The following SIPA1L3 variants were observed in gnomAD, a reference collection of about 807,000 sequenced individuals.
The protein encoded by SIPA1L3 is signal-induced proliferation-associated 1-like protein 3.
In SIPA1L3, 59 loss-of-function variants were observed where a neutral mutation model predicts 150.1. The observed-to-expected ratio is 0.39, with a 90% confidence interval of 0.32 to 0.49. SIPA1L3 has a LOEUF of 0.49. SIPA1L3 is among the 20% of genes least tolerant of loss of function. The pLI is 0.86. For synonymous variants in SIPA1L3, 1,070 were observed against 1,077.6 expected (o/e 0.99, Z 0.14); for missense variants, 2,211 against 2,489.5 (o/e 0.89, Z 2.38).
rs74258623 is a variant in SIPA1L3 at position 38,019,515 on chromosome 19, G to A, written c.-378-9574G>A. On this transcript the variant is annotated intron_variant, in intron 1 of 21. Transcript: ENST00000222345. ...TTGCATTGGCCAGGCTGGCTGCAAG[G>A]GAGGTTGGGAAATGTAGTCTTAGCT... Among the ~76,000 whole-genome samples, 6 of 152,286 alleles carry A rather than the reference G, an allele frequency of 3.9e-5. No homozygotes were observed. In the East Asian group the frequency reaches 9.6e-4, roughly 24 times the overall value.
chr19:38,150,555 T>C (rs962406844), intron 12 of SIPA1L3, among the ~76,000 whole-genome samples: 3 of 137,636 alleles, frequency 2.2e-5, no homozygotes, highest in Admixed American at 1.5e-4. Flanking sequence ...TTTTTTGAAA[T>C]GGAGTCTTGT....
intron 19 of SIPA1L3, among the ~76,000 whole-genome samples, chr19:38,201,440 C>T (rs1568609126): frequency 1.3e-5 from 2 of 152,218 alleles, no homozygotes; most frequent in South Asian, 2.1e-4. Context: ...CGAAGGAGAG[C>T]GAATTGTATA....
At chr19:38,152,327 C>T (rs568080226) in intron 12 of SIPA1L3, among the ~76,000 whole-genome samples, 1 of 152,314 alleles carries the variant, frequency 6.6e-6, no homozygotes, top group African/African-American at 2.4e-5. Flanking sequence ...GAAACTGAGG[C>T]TGTGGGCTAG....
intron 1 of SIPA1L3, among the ~76,000 whole-genome samples, chr19:37,931,040 G>C (rs2046549443): frequency 6.6e-6 from 1 of 152,186 alleles, no homozygotes; most frequent in South Asian, 2.1e-4. Flanking sequence ...AAGAAGGATG[G>C]TAAGAGCCTT....
At position 38,082,655 on chromosome 19, in the gene SIPA1L3, C is replaced by T; in HGVS notation, c.1090C>T (p.Gln364Ter). 2 of 1,607,382 alleles carry T rather than the reference C, an allele frequency of 1.2e-6. No homozygotes were observed. The highest frequency in any genetic ancestry group is 1.7e-6 in the Non-Finnish European group (2 of 1,179,650). ...EAAANRVSVS[Q>*]RRNTTTGASA... The stretch of plus-strand genomic sequence containing the variant: ...GGCCGCCAACAGGGTGTCGGTGTCG[C>T]AGCGGCGGAACACCACCACGGGTGC... The change falls in exon 3 of 22, where the codon CAG (glutamine) becomes TAG (stop). Residue 364 changes from glutamine (Q) to a stop codon, truncating the protein, a stop_gained. Coordinates refer to ENST00000222345, the MANE Select transcript of SIPA1L3 (RefSeq NM_015073.3). LOFTEE classifies it high-confidence loss of function.
intron 14 of SIPA1L3, among the ~76,000 whole-genome samples, chr19:38,164,000 G>A (rs772898497): frequency 1.3e-5 from 2 of 152,216 alleles, no homozygotes; most frequent in African/African-American, 2.4e-5. Flanking sequence ...ACAGGACCAC[G>A]CGGAGCCGTG....
At chr19:38,192,045 C>A in intron 16 of SIPA1L3, 100 bp from the exon 17 acceptor site, 1 of 1,064,268 alleles carries the variant, frequency 9.4e-7, no homozygotes, top group Non-Finnish European at 1.4e-6. Flanking sequence ...AAGGCTGTGG[C>A]CATGCGTCCC....
In SIPA1L3 at chr19:38,141,359, G is replaced by A. The variant is rs1286903710; in HGVS notation, c.3319G>A (p.Ala1107Thr). The change falls in exon 11 of 22, where the codon GCC becomes ACC. Residue 1107 changes from alanine (A) to threonine (T), a missense_variant. Transcript: ENST00000222345. ...GGCCACTCCAACCACTCCCGGCCAT[G>A]CCCAGTCCCTGAGCCGGCCCCTGAA... ...KWATPTTPGH[A>T]QSLSRPLKQT... is the part of the protein sequence containing the mutation. 1 of 1,613,848 alleles carries A rather than the reference G, an allele frequency of 6.2e-7. No individual in the cohort carries two copies. The highest frequency in any genetic ancestry group is 1.1e-5 in the South Asian group (1 of 91,078).
At position 37,933,166 on chromosome 19, in the gene SIPA1L3, GTGTGACCTCATC is replaced by G. The variant is rs890949640; in HGVS notation, c.-379+25818_-379+25829del. 7.3e-5 allele frequency among the ~76,000 whole-genome samples: 11 copies of G among 151,418 alleles called. 1 individual carries two copies. Among genetic ancestry groups the G allele is most frequent in the African/African-American group, 2.4e-4 (10 of 41,182 alleles). ...CCAACCCCAGGCCCCCATTTTCCCTGTGTGACCTCATCTGTGACCTCTCAGCTGCTTGCTTGC... is the reference window on the plus strand; with the variant it reads ...CCAACCCCAGGCCCCCATTTTCCCTGTGTGACCTCTCAGCTGCTTGCTTGC... On this transcript the variant is annotated intron_variant, in intron 1 of 21. Transcript: ENST00000222345.
At chr19:37,908,587 G>A (rs1599781449) in intron 1 of SIPA1L3, among the ~76,000 whole-genome samples, 2 of 151,882 alleles carry the variant, frequency 1.3e-5, no homozygotes, top group African/African-American at 4.8e-5. Context: ...CACAGTAAGT[G>A]CTTATTAAAT....
chr19:37,912,490 C>T (rs533630675), intron 1 of SIPA1L3, among the ~76,000 whole-genome samples: 3 of 152,076 alleles, frequency 2.0e-5, no homozygotes, highest in African/African-American at 7.2e-5. Context: ...GCCTTCAGGG[C>T]AGGGCCAGCT....
At chr19:38,124,031 C>T (rs1003548661) in intron 9 of SIPA1L3, among the ~76,000 whole-genome samples, 1 of 151,204 alleles carries the variant, frequency 6.6e-6, no homozygotes, top group South Asian at 2.1e-4. Flanking sequence ...GGGCTCCTCA[C>T]CTCCCAGTAG....
At chr19:38,123,177 C>T (rs1225932446) in intron 9 of SIPA1L3, among the ~76,000 whole-genome samples, 1 of 152,164 alleles carries the variant, frequency 6.6e-6, no homozygotes, top group Non-Finnish European at 1.5e-5. Context: ...TGATGAGGTC[C>T]TCACTTCGCA....
chr19:38,144,361 TG>T (rs1410887650), intron 12 of SIPA1L3, among the ~76,000 whole-genome samples: 2 of 152,242 alleles, frequency 1.3e-5, no homozygotes, highest in African/African-American at 2.4e-5. Flanking sequence ...TGGTATATAT[TG>T]GATGAAAGGA....
intron 2 of SIPA1L3, among the ~76,000 whole-genome samples, chr19:38,030,410 A>G (rs1156564464): frequency 1.3e-5 from 2 of 151,892 alleles, no homozygotes; most frequent in South Asian, 2.1e-4. Context: ...AAAAATACAA[A>G]AATTAGCTGG....
chr19:37,914,374 AT>A (rs3049664), intron 1 of SIPA1L3, among the ~76,000 whole-genome samples: 2,592 of 144,454 alleles, frequency 0.018, 79 homozygotes, highest in African/African-American at 0.062. Flanking sequence ...TACTACTTTA[AT>A]TTTTTTTTTT....
At chr19:37,979,830 C>T (rs943291975) in intron 1 of SIPA1L3, among the ~76,000 whole-genome samples, 1 of 152,250 alleles carries the variant, frequency 6.6e-6, no homozygotes, top group Non-Finnish European at 1.5e-5. Context: ...TGCGTGCTAA[C>T]TGTGCTCCCC....
Position 38,046,685 on chromosome 19 carries a change from G to A in SIPA1L3, c.-311+17529G>A, listed in dbSNP as rs994122780. Reference sequence around the variant, plus strand: ...GCCTGGGGATGCTGCTGGATTTTCCGGGTGTGGAGGGGCCCAGGTCCCCCG... The same window carrying A: ...GCCTGGGGATGCTGCTGGATTTTCCAGGTGTGGAGGGGCCCAGGTCCCCCG... On this transcript the variant is annotated intron_variant, in intron 2 of 21. Transcript: ENST00000222345. The surrounding 1 kb of genome is among the most constrained non-coding windows in gnomAD (Gnocchi z 5.6). Among the ~76,000 whole-genome samples the A allele has an allele frequency of 6.6e-6, 1 of 152,160 alleles. No homozygotes were observed. The highest frequency in any genetic ancestry group is 2.4e-5 in the African/African-American group (1 of 41,450).
chr19:37,999,376 A>G (rs957934934), intron 1 of SIPA1L3, among the ~76,000 whole-genome samples: 3 of 152,164 alleles, frequency 2.0e-5, no homozygotes, highest in Non-Finnish European at 2.9e-5. Flanking sequence ...TAACTGGCCA[A>G]TCTTCCACAA....
Sources: allele counts gnomAD v4.1 joint callset (sites outside exome capture counted in the v4.1 genomes callset), GRCh38; gene constraint gnomAD v4.1.1; non-coding constraint Gnocchi (gnomAD v3.1); transcripts MANE v1.5; gene names NCBI Gene and HGNC (gene_info 2026-07-23, HGNC 2026-07-21).